CTNND2: variants seen among roughly 807,000 people sequenced by gnomAD.
CTNND2 encodes the protein catenin delta 2.
In CTNND2, 22 loss-of-function variants were observed where a neutral mutation model predicts 144.4. The observed-to-expected ratio is 0.15, with a 90% CI of 0.11 to 0.22. CTNND2 has a LOEUF of 0.22. CTNND2 is among the 10% of genes least tolerant of loss of function. The probability of loss-of-function intolerance (pLI) is 1.00; values close to 1 mark genes in which losing one functional copy is unlikely to be tolerated. For synonymous variants in CTNND2, 751 were observed against 695.6 expected (o/e 1.08, Z -1.25); for missense variants, 1,353 against 1,618.8 (o/e 0.84, Z 2.82).
At chr5:11,567,665 A>C (rs777034922) in intron 2 of CTNND2, among the ~76,000 whole-genome samples, 1 of 152,210 alleles carries the variant, frequency 6.6e-6, no homozygotes, top group Admixed American at 6.5e-5. Context: ...CTGATGAATC[A>C]AACATCTCTA....
At chr5:11,763,109 T>A (rs1448393757) in intron 1 of CTNND2, among the ~76,000 whole-genome samples, 2 of 152,168 alleles carry the variant, frequency 1.3e-5, no homozygotes, top group African/African-American at 4.8e-5. Flanking sequence ...TCCTTCACTC[T>A]CTCTCTCCTG....
intron 17 of CTNND2, 65 bp downstream of exon 17, chr5:11,022,704 A>C (rs532566901): frequency 1.7e-6 from 2 of 1,177,740 alleles, no homozygotes; most frequent in African/African-American, 3.0e-5. Context: ...CGTCATCAGG[A>C]GTTGAAAGGC....
Position 11,272,519 on chromosome 5 carries a change from A to G in CTNND2, c.1629-35696T>C, listed in dbSNP as rs189125810. On this transcript the variant is annotated intron_variant, in intron 9 of 21. Transcript: ENST00000304623. ...ACTCTTTCCTAAAATGCCAAACAAA[A>G]CCCAATTTTTCCTTACTATGGTTAT... Among the ~76,000 whole-genome samples, 1,245 of 152,212 alleles carry G rather than the reference A, an allele frequency of 8.2e-3. 7 individuals are homozygous for G. Among genetic ancestry groups the G allele is most frequent in the Non-Finnish European group, 0.012 (820 of 67,994 alleles).
chr5:11,534,466 A>C (rs960886620), intron 3 of CTNND2, among the ~76,000 whole-genome samples: 4 of 152,106 alleles, frequency 2.6e-5, no homozygotes, highest in African/African-American at 9.7e-5. Context: ...TTAGCTGTGC[A>C]TGGTGGCATG....
At chr5:11,447,237 G>T (rs1387093414) in intron 3 of CTNND2, among the ~76,000 whole-genome samples, 2 of 152,006 alleles carry the variant, frequency 1.3e-5, no homozygotes, top group African/African-American at 4.8e-5. Context: ...AGCTACTTGG[G>T]AGGAAGGGGC....
intron 1 of CTNND2, among the ~76,000 whole-genome samples, chr5:11,762,862 T>C (rs538990323): frequency 1.3e-5 from 2 of 152,356 alleles, no homozygotes; most frequent in East Asian, 3.9e-4. Flanking sequence ...ACCAACTGAA[T>C]TTTGCCTGGG....
chr5:11,495,685 TTCTC>T (rs1043567321), intron 3 of CTNND2, among the ~76,000 whole-genome samples: 2 of 152,156 alleles, frequency 1.3e-5, no homozygotes, highest in African/African-American at 4.8e-5. Context: ...CGACTCTTCT[TTCTC>T]TTGAACTTCT....
chr5:11,844,992 C>T (rs1045992136), intron 1 of CTNND2, among the ~76,000 whole-genome samples: 1 of 152,066 alleles, frequency 6.6e-6, no homozygotes, highest in Non-Finnish European at 1.5e-5. Context: ...CGGGAGCTAG[C>T]GTGTGACTCT....
At chr5:11,057,529 A>G (rs938738314) in intron 16 of CTNND2, among the ~76,000 whole-genome samples, 1 of 152,248 alleles carries the variant, frequency 6.6e-6, no homozygotes, top group Non-Finnish European at 1.5e-5. Flanking sequence ...AGGCCTCCCC[A>G]GCCATGTGGA....
rs1560962808 is a variant in CTNND2, at chr5:11,880,940, C to CTAA, written c.37+22874_37+22876dup. Among the ~76,000 whole-genome samples the CTAA allele has an allele frequency of 4.6e-4, 67 of 146,972 alleles. 1 individual carries two copies. The highest frequency in any genetic ancestry group is 1.3e-3 in the African/African-American group (51 of 40,102). ...ACTACTACTACCACTACTACTGCTA[C>CTAA]TAATACTACTACTACTACCACTACT... On this transcript the variant is annotated intron_variant, in intron 1 of 21. Coordinates refer to ENST00000304623, the MANE Select transcript of CTNND2 (RefSeq NM_001332.4).
rs572123519 is a variant in CTNND2, at chr5:11,751,719, G to C, written c.38-19447C>G. On this transcript the variant is annotated intron_variant, in intron 1 of 21. Coordinates refer to ENST00000304623, the MANE Select transcript of CTNND2 (RefSeq NM_001332.4). ...TGGTGTAATGATTTACATTCCTTTG[G>C]GAATATACCCAATAATGGGATTGCT... 3.9e-5 allele frequency among the ~76,000 whole-genome samples: 6 copies of C among 151,900 alleles called. No individual in the cohort carries two copies. In the East Asian group the frequency reaches 9.7e-4, roughly 24 times the overall value.
chr5:11,287,727 GAGAGCTGCATTT>G (rs1447015003), intron 9 of CTNND2, among the ~76,000 whole-genome samples: 1 of 152,220 alleles, frequency 6.6e-6, no homozygotes, highest in Admixed American at 6.5e-5. Flanking sequence ...AGACAATTCT[GAGAGCTGCATTT>G]AGAGTACATT....
At chr5:11,259,260 CTT>C (rs1417106073) in intron 9 of CTNND2, among the ~76,000 whole-genome samples, 1 of 152,176 alleles carries the variant, frequency 6.6e-6, no homozygotes, top group African/African-American at 2.4e-5. Flanking sequence ...CAATCTCTCT[CTT>C]TCTCCCTCTC....
intron 9 of CTNND2, among the ~76,000 whole-genome samples, chr5:11,256,135 C>A (rs1385849737): frequency 1.3e-5 from 2 of 152,226 alleles, no homozygotes; most frequent in African/African-American, 4.8e-5. Flanking sequence ...AACTGTGTCA[C>A]TTCCTCCTCG....
At chr5:11,746,485 A>T (rs909445055) in intron 1 of CTNND2, among the ~76,000 whole-genome samples, 1 of 152,266 alleles carries the variant, frequency 6.6e-6, no homozygotes, top group Non-Finnish European at 1.5e-5. Flanking sequence ...CTGGGATTAA[A>T]AAAAACTTTT....
intron 10 of CTNND2, among the ~76,000 whole-genome samples, chr5:11,236,431 T>G (rs1159395328): frequency 6.6e-6 from 1 of 152,216 alleles, no homozygotes. Flanking sequence ...AGTATGGCAT[T>G]TGACAATCCA....
intron 3 of CTNND2, among the ~76,000 whole-genome samples, chr5:11,564,490 C>T (rs1178788482): frequency 2.0e-5 from 3 of 152,092 alleles, no homozygotes; most frequent in African/African-American, 7.2e-5. Context: ...ACATGGGGAA[C>T]TGCACGTGTG....
intron 2 of CTNND2, among the ~76,000 whole-genome samples, chr5:11,582,931 G>A (rs1370059606): frequency 1.3e-5 from 2 of 152,248 alleles, no homozygotes; most frequent in South Asian, 2.1e-4. Flanking sequence ...ACAATGAAGG[G>A]GCCTATTTCA....
chr5:11,623,421 A>T (rs1780956358), intron 2 of CTNND2, among the ~76,000 whole-genome samples: 1 of 151,756 alleles, frequency 6.6e-6, no homozygotes, highest in African/African-American at 2.4e-5. Context: ...CTTGGCCCTC[A>T]TTCTCTCTTG....
Sources: gnomAD v4.1 joint callset for allele counts (sites outside exome capture counted in the v4.1 genomes callset) on GRCh38, gnomAD v4.1.1 for gene constraint, MANE v1.5 for transcripts, NCBI Gene and HGNC (gene_info 2026-07-23, HGNC 2026-07-21) for gene names.